IPCEF1: variants seen among roughly 807,000 people sequenced by gnomAD.
The protein encoded by IPCEF1 is interaction protein for cytohesin exchange factors 1, also known as interactor protein for cytohesin exchange factors 1.
Under a neutral mutation model 50.9 loss-of-function variants are expected in IPCEF1, and 31 were observed. The ratio of observed to expected loss-of-function variants is 0.61; its 90% CI spans 0.46 to 0.82. IPCEF1 has a LOEUF of 0.82. Among genes scored for constraint, IPCEF1 ranks in the 40% least tolerant of loss-of-function variants. The probability of loss-of-function intolerance (pLI) is 0.00; values close to 1 mark genes in which losing one functional copy is unlikely to be tolerated. For synonymous variants in IPCEF1, 181 were observed against 192.0 expected, an observed-to-expected ratio of 0.94 and a Z score of 0.47; for missense variants, 458 against 514.0, an observed-to-expected ratio of 0.89 and a Z score of 1.05.
At chr6:154,161,961 C>A (rs535760317) in intron 11 of IPCEF1, among the ~76,000 whole-genome samples, 1 of 152,206 alleles carries the variant, frequency 6.6e-6, no homozygotes. Flanking sequence ...CTTCTCATCT[C>A]AAACCCCCTC....
At chr6:154,184,644 T>C (rs2882527) in intron 10 of IPCEF1, among the ~76,000 whole-genome samples, 94,865 of 151,940 alleles carry the variant, frequency 0.62, 30,364 homozygotes, top group African/African-American at 0.75. Flanking sequence ...ATAGTGCCTA[T>C]AACAGATATT....
At chr6:154,186,718 G>A (rs1801398667) in intron 10 of IPCEF1, among the ~76,000 whole-genome samples, 2 of 152,084 alleles carry the variant, frequency 1.3e-5, no homozygotes, top group African/African-American at 2.4e-5. Flanking sequence ...CATCACGCCT[G>A]GCTAATTTTT....
chr6:154,352,698 C>T (rs753039009), intron 1 of IPCEF1, among the ~76,000 whole-genome samples: 1 of 152,170 alleles, frequency 6.6e-6, no homozygotes, highest in South Asian at 2.1e-4. Context: ...ATTTTGGTTA[C>T]GTCCCTGATA....
chr6:154,199,220 C>A (rs111951297), intron 10 of IPCEF1, among the ~76,000 whole-genome samples: 199 of 152,334 alleles, frequency 1.3e-3, no homozygotes, highest in African/African-American at 4.6e-3. Context: ...CAGGAGCCGA[C>A]AGGCTAAGAA....
chr6:154,264,510 C>G (rs1274593318), intron 3 of IPCEF1, among the ~76,000 whole-genome samples: 1 of 152,084 alleles, frequency 6.6e-6, no homozygotes, highest in African/African-American at 2.4e-5. Flanking sequence ...GTAGCTGGGA[C>G]TACAGGTGCG....
chr6:154,259,087 A>G (rs1178242607), intron 3 of IPCEF1, among the ~76,000 whole-genome samples: 1 of 152,204 alleles, frequency 6.6e-6, no homozygotes, highest in Non-Finnish European at 1.5e-5. Context: ...AATAAATAAT[A>G]TCAGCAAAGT....
intron 1 of IPCEF1, among the ~76,000 whole-genome samples, chr6:154,300,465 T>C (rs1782763439): frequency 6.6e-6 from 1 of 151,986 alleles, no homozygotes; most frequent in Non-Finnish European, 1.5e-5. Context: ...AATGTAAAAA[T>C]TAGCCAGGCA....
At chr6:154,354,140 T>A (rs1481258024) in intron 1 of IPCEF1, among the ~76,000 whole-genome samples, 1 of 152,206 alleles carries the variant, frequency 6.6e-6, no homozygotes, top group Non-Finnish European at 1.5e-5. Context: ...AGTCACCACT[T>A]TATAGGTTCG....
Position 154,198,285 on chromosome 6 carries a change from C to T in IPCEF1, c.910+1383G>A, listed in dbSNP as rs186646904. ...AATTAAGCTCAATACTTTCACCAAA[C>T]GACAGCAACTCACAAACCTGAGGGC... On this transcript the variant is annotated intron_variant, in intron 10 of 11. Transcript: ENST00000367220. 3.0e-3 allele frequency among the ~76,000 whole-genome samples: 457 copies of T among 152,238 alleles called. 1 individual carries two copies. The highest frequency in any genetic ancestry group is 0.01 in the African/African-American group (427 of 41,544).
At chr6:154,174,509 A>G (rs983816760) in intron 10 of IPCEF1, among the ~76,000 whole-genome samples, 7 of 152,288 alleles carry the variant, frequency 4.6e-5, no homozygotes, top group African/African-American at 1.4e-4. Flanking sequence ...AAAAAAAAGC[A>G]GGGGTTGCAA....
chr6:154,309,955 G>C (rs1176559608), intron 1 of IPCEF1, among the ~76,000 whole-genome samples: 2 of 151,904 alleles, frequency 1.3e-5, no homozygotes, highest in Non-Finnish European at 2.9e-5. Flanking sequence ...GTAGAGACAG[G>C]GTTTCACCAT....
intron 1 of IPCEF1, among the ~76,000 whole-genome samples, chr6:154,290,737 A>G (rs1404785366): frequency 6.6e-6 from 1 of 152,040 alleles, no homozygotes; most frequent in Non-Finnish European, 1.5e-5. Flanking sequence ...TCAACATTTA[A>G]TTTTTTCTAA....
chr6:154,288,997 C>T (rs114095436), intron 2 of IPCEF1, among the ~76,000 whole-genome samples: 3,507 of 152,046 alleles, frequency 0.023, 148 homozygotes, highest in African/African-American at 0.081. Context: ...CAGTGAGCCA[C>T]GATCATGCCA....
At chr6:154,312,883 TTTTA>T (rs1289069000) in intron 1 of IPCEF1, among the ~76,000 whole-genome samples, 1 of 151,848 alleles carries the variant, frequency 6.6e-6, no homozygotes, top group Non-Finnish European at 1.5e-5. Context: ...ATATGTACAA[TTTTA>T]TTTGTCAATT....
At chr6:154,186,935 A>G (rs1801424102) in intron 10 of IPCEF1, among the ~76,000 whole-genome samples, 1 of 151,576 alleles carries the variant, frequency 6.6e-6, no homozygotes, top group Admixed American at 6.6e-5. Context: ...TTCCCCTCCC[A>G]CTTTTGAGTG....
Position 154,227,901 on chromosome 6 carries a change from C to A in IPCEF1, c.247-4658G>T, listed in dbSNP as rs545611346. 1.3e-4 allele frequency among the ~76,000 whole-genome samples: 19 copies of A among 150,886 alleles called. 2 individuals carry two copies. Among genetic ancestry groups the A allele is most frequent in the South Asian group, 6.3e-4 (3 of 4,762 alleles). ...GAAATTATCACTTTATAAGCAGAAG[C>A]TTTTTTTTTATTCTGAAGACAGTTG... On this transcript the variant is annotated intron_variant, in intron 5 of 11. Transcript: ENST00000367220.
chr6:154,346,182 T>C (rs1404802167), intron 1 of IPCEF1, among the ~76,000 whole-genome samples: 2 of 152,176 alleles, frequency 1.3e-5, no homozygotes, highest in Non-Finnish European at 2.9e-5. Flanking sequence ...ACATGTACAT[T>C]ATTAAAAAGC....
intron 9 of IPCEF1, among the ~76,000 whole-genome samples, chr6:154,208,761 T>G (rs1448530405): frequency 2.0e-5 from 3 of 152,352 alleles, no homozygotes; most frequent in Non-Finnish European, 4.4e-5. Flanking sequence ...GCTTATAAAA[T>G]TATCAGATTT....
intron 5 of IPCEF1, among the ~76,000 whole-genome samples, chr6:154,235,531 C>CCA (rs539149573): frequency 2.0e-5 from 2 of 97,594 alleles, no homozygotes; most frequent in African/African-American, 3.7e-5. Flanking sequence ...AACTCTGTCA[C>CCA]AAAAAAAAAA....
Sources: gnomAD v4.1 joint callset for allele counts (sites outside exome capture counted in the v4.1 genomes callset) on GRCh38, gnomAD v4.1.1 for gene constraint, MANE v1.5 for transcripts, NCBI Gene and HGNC (gene_info 2026-07-23, HGNC 2026-07-21) for gene names.